The following CUBN variants were observed in gnomAD, a reference collection of about 807,000 sequenced individuals.
The protein encoded by CUBN is 460 kDa receptor.
A neutral mutation model predicts 405.3 loss-of-function variants in CUBN; 282 were observed. The observed-to-expected ratio is 0.70, with a 90% CI of 0.63 to 0.77. CUBN has a LOEUF of 0.77. CUBN is among the 30% of genes least tolerant of loss of function. CUBN has a pLI of 0.00. For synonymous variants in CUBN, 1,684 were observed against 1,617.0 expected (o/e 1.04, Z -0.99); for missense variants, 4,514 against 4,475.2 (o/e 1.01, Z -0.25).
chr10:16,989,169 A>G (rs1224783183), intron 29 of CUBN, among the ~76,000 whole-genome samples: 1 of 152,132 alleles, frequency 6.6e-6, no homozygotes, highest in Non-Finnish European at 1.5e-5. Context: ...GCTGTGCTAC[A>G]GCAGTCCCTA....
intron 31 of CUBN, among the ~76,000 whole-genome samples, chr10:16,969,063 C>G (rs1564453307): frequency 6.6e-6 from 1 of 152,182 alleles, no homozygotes; most frequent in African/African-American, 2.4e-5. Flanking sequence ...TAGCAGCATG[C>G]AATTCTAGAA....
intron 31 of CUBN, among the ~76,000 whole-genome samples, chr10:16,972,176 C>T (rs896051133): frequency 6.6e-6 from 1 of 152,112 alleles, no homozygotes; most frequent in African/African-American, 2.4e-5. Context: ...ATCTTTCATC[C>T]ACCCGTTACA....
intron 31 of CUBN, chr10:16,965,932 A>C (rs2131659382): frequency 2.1e-6 from 1 of 471,086 alleles, no homozygotes; most frequent in Non-Finnish European, 4.4e-6. Flanking sequence ...TGCAGAGCCA[A>C]TATACAAACC....
At chr10:16,921,211 G>C (rs777101431) in intron 43 of CUBN, among the ~76,000 whole-genome samples, 16 of 152,214 alleles carry the variant, frequency 1.1e-4, no homozygotes, top group South Asian at 2.1e-4. Flanking sequence ...TTGATTCTAA[G>C]CACATTACAT....
intron 36 of CUBN, among the ~76,000 whole-genome samples, chr10:16,941,463 T>C (rs1451903107): frequency 6.6e-6 from 1 of 152,150 alleles, no homozygotes; most frequent in South Asian, 2.1e-4. Context: ...AAATATTTCT[T>C]ACATAGAATG....
intron 28 of CUBN, among the ~76,000 whole-genome samples, chr10:17,002,755 GC>G (rs1193563159): frequency 6.6e-6 from 1 of 152,180 alleles, no homozygotes; most frequent in African/African-American, 2.4e-5. Flanking sequence ...TGAAGTCAAG[GC>G]CAAAAGAGCT....
At chr10:16,876,836 T>G in intron 57 of CUBN, 61 bp downstream of exon 57, 3 of 1,428,354 alleles carry the variant, frequency 2.1e-6, no homozygotes, top group Non-Finnish European at 2.0e-6. Flanking sequence ...CAGTGAAAAC[T>G]CTTTGTATAC....
chr10:17,009,642 AG>A (rs1834125231), intron 28 of CUBN, among the ~76,000 whole-genome samples: 1 of 152,166 alleles, frequency 6.6e-6, no homozygotes, highest in Non-Finnish European at 1.5e-5. Context: ...TCACTTAAGG[AG>A]CATTTAGAAA....
At chr10:17,029,885 C>T (rs1041168954) in intron 27 of CUBN, among the ~76,000 whole-genome samples, 7 of 152,222 alleles carry the variant, frequency 4.6e-5, no homozygotes, top group Admixed American at 4.6e-4. Context: ...GCACTGCTTT[C>T]AACACAGTGG....
intron 57 of CUBN, among the ~76,000 whole-genome samples, chr10:16,875,488 G>C (rs1046043887): frequency 6.6e-6 from 1 of 152,190 alleles, no homozygotes; most frequent in African/African-American, 2.4e-5. Context: ...AGGCTGCCAT[G>C]TCAGGCTCTT....
At chr10:16,861,084 C>A (rs767335421) in intron 59 of CUBN, among the ~76,000 whole-genome samples, 22 of 152,138 alleles carry the variant, frequency 1.4e-4, no homozygotes, top group Non-Finnish European at 2.4e-4. Flanking sequence ...GGTTAGCTGG[C>A]ATCCATTGAA....
intron 27 of CUBN, among the ~76,000 whole-genome samples, chr10:17,034,950 T>C (rs1264906130): frequency 6.6e-6 from 1 of 152,014 alleles, no homozygotes; most frequent in East Asian, 1.9e-4. Context: ...TGGTTGTTAA[T>C]ATGGAAGTCA....
At chr10:16,995,515 T>C (rs1833709006) in intron 28 of CUBN, among the ~76,000 whole-genome samples, 4 of 152,296 alleles carry the variant, frequency 2.6e-5, no homozygotes, top group Non-Finnish European at 5.9e-5. Flanking sequence ...ACTCTTTTCT[T>C]TTGAAACAGG....
At chr10:16,975,285 C>T (rs1166719375) in intron 31 of CUBN, among the ~76,000 whole-genome samples, 1 of 152,238 alleles carries the variant, frequency 6.6e-6, no homozygotes, top group Non-Finnish European at 1.5e-5. Flanking sequence ...TTCACTCCTG[C>T]TGTTTCCTCC....
intron 5 of CUBN, chr10:17,123,286 A>G: frequency 6.2e-6 from 3 of 483,364 alleles, no homozygotes; most frequent in East Asian, 3.9e-5. Flanking sequence ...TAGGTATGTC[A>G]AGATTTGTTT....
chr10:16,954,617 G>A, intron 31 of CUBN, 69 bp from the exon 32 acceptor site: 2 of 1,526,164 alleles, frequency 1.3e-6, no homozygotes, highest in East Asian at 2.3e-5. Context: ...TCCACGAACT[G>A]TCTGCACGCC....
At chr10:16,887,870 T>C (rs1048790263) in intron 56 of CUBN, among the ~76,000 whole-genome samples, 10 of 152,202 alleles carry the variant, frequency 6.6e-5, no homozygotes, top group Non-Finnish European at 2.9e-5. Flanking sequence ...GTGGTAGATA[T>C]ACACAATGGA....
chr10:16,918,198 T>C (rs1219348426), intron 45 of CUBN, among the ~76,000 whole-genome samples: 2 of 152,214 alleles, frequency 1.3e-5, no homozygotes, highest in African/African-American at 2.4e-5. Context: ...ACTGTAGCCC[T>C]GTAGTATAGT....
intron 51 of CUBN, among the ~76,000 whole-genome samples, chr10:16,903,457 G>T (rs1174801136): frequency 6.6e-6 from 1 of 151,902 alleles, no homozygotes; most frequent in Non-Finnish European, 1.5e-5. Flanking sequence ...TCTGTATTAT[G>T]ACTGAAAGCA....
Sources: gnomAD v4.1 joint callset for allele counts (sites outside exome capture counted in the v4.1 genomes callset) on GRCh38, gnomAD v4.1.1 for gene constraint, MANE v1.5 for transcripts, NCBI Gene and HGNC (gene_info 2026-07-23, HGNC 2026-07-21) for gene names.